The following L3MBTL4 variants were observed in gnomAD, a reference collection of about 807,000 sequenced individuals.
The protein encoded by L3MBTL4 is L3MBTL histone methyl-lysine binding protein 4.
In L3MBTL4, 70 loss-of-function variants were observed where a neutral mutation model predicts 84.5. The observed-to-expected ratio is 0.83, with a 90% CI of 0.68 to 1.01. The LOEUF (loss-of-function observed/expected upper bound fraction) is 1.01. Ranked by LOEUF, L3MBTL4 falls within the 50% of genes least tolerant of loss-of-function variation. The pLI is 0.00. For synonymous variants in L3MBTL4, 274 were observed against 259.8 expected (o/e 1.05, Z -0.52); for missense variants, 715 against 754.8 (o/e 0.95, Z 0.62).
chr18:6,355,681 C>G (rs951970375), intron 1 of L3MBTL4, among the ~76,000 whole-genome samples: 1 of 152,142 alleles, frequency 6.6e-6, no homozygotes, highest in African/African-American at 2.4e-5. Context: ...ATAAGTTCAT[C>G]TCAATGACTT....
At chr18:6,177,578 A>G (rs2044280087) in intron 12 of L3MBTL4, among the ~76,000 whole-genome samples, 1 of 152,234 alleles carries the variant, frequency 6.6e-6, no homozygotes, top group South Asian at 2.1e-4. Flanking sequence ...AAATGCGTGC[A>G]TGAAATCTGT....
intron 16 of L3MBTL4, among the ~76,000 whole-genome samples, chr18:6,069,336 T>C (rs997616072): frequency 3.3e-5 from 5 of 152,166 alleles, no homozygotes; most frequent in African/African-American, 1.2e-4. Context: ...CTGTGTTGGA[T>C]GGCCTCCAGC....
chr18:6,055,395 AG>A (rs2056985437), intron 16 of L3MBTL4, among the ~76,000 whole-genome samples: 1 of 152,210 alleles, frequency 6.6e-6, no homozygotes, highest in African/African-American at 2.4e-5. Flanking sequence ...ATAGAGGTGT[AG>A]GGTTCTATGC....
chr18:6,103,446 T>C (rs1430439555), intron 14 of L3MBTL4, among the ~76,000 whole-genome samples: 2 of 152,250 alleles, frequency 1.3e-5, no homozygotes, highest in African/African-American at 2.4e-5. Context: ...TTTTTCCTCT[T>C]TTTTAAAAAA....
chr18:6,325,620 A>C (rs1407900371), intron 1 of L3MBTL4, among the ~76,000 whole-genome samples: 1 of 152,236 alleles, frequency 6.6e-6, no homozygotes, highest in Non-Finnish European at 1.5e-5. Context: ...TTTTTGAAGA[A>C]GCATGGAAAT....
At chr18:6,204,140 G>A (rs150704529) in intron 12 of L3MBTL4, among the ~76,000 whole-genome samples, 4 of 152,114 alleles carry the variant, frequency 2.6e-5, no homozygotes, top group African/African-American at 7.2e-5. Flanking sequence ...GTGTTTACAG[G>A]ATCTACACAC....
At chr18:6,339,564 C>A (rs762403987) in intron 1 of L3MBTL4, among the ~76,000 whole-genome samples, 2 of 139,604 alleles carry the variant, frequency 1.4e-5, no homozygotes, top group Non-Finnish European at 3.0e-5. Flanking sequence ...AAATCAAATG[C>A]AAGCAAAGTT....
intron 4 of L3MBTL4, among the ~76,000 whole-genome samples, chr18:6,295,314 C>CTCTA (rs2050048657): frequency 9.7e-6 from 1 of 102,590 alleles, no homozygotes; most frequent in Non-Finnish European, 1.8e-5. Context: ...CAACAACTCT[C>CTCTA]TCTCTCTCTC....
In L3MBTL4 at chr18:5,974,984, A is replaced by T. The variant is rs551774335; in HGVS notation, c.1445-5422T>A. On this transcript the variant is annotated intron_variant, in intron 16 of 18. Transcript: ENST00000317931. ...CTCTATTGTTTTGTTTTTTTTTTTT[A>T]AAAAGAGGAAGAATATTTTTTAGAA... 6.4e-3 allele frequency among the ~76,000 whole-genome samples: 958 copies of T among 150,686 alleles called. 10 individuals carry two copies. Among genetic ancestry groups the T allele is most frequent in the African/African-American group, 0.021 (843 of 41,022 alleles).
chr18:6,252,178 TGG>T (rs1429526836), intron 5 of L3MBTL4, among the ~76,000 whole-genome samples: 1 of 152,118 alleles, frequency 6.6e-6, no homozygotes, highest in African/African-American at 2.4e-5. Context: ...CCGGGTGTGG[TGG>T]TGGGCACCTG....
chr18:6,035,225 T>C (rs767442375), intron 16 of L3MBTL4, among the ~76,000 whole-genome samples: 2,147 of 151,424 alleles, frequency 0.014, 24 homozygotes, highest in Non-Finnish European at 0.023. Flanking sequence ...TCCTTGCCCA[T>C]GCCTATGTCC....
chr18:6,060,512 T>C (rs2057177642), intron 16 of L3MBTL4, among the ~76,000 whole-genome samples: 1 of 151,978 alleles, frequency 6.6e-6, no homozygotes, highest in Admixed American at 6.6e-5. Context: ...CCTAATCCCA[T>C]GTCTTCCCCT....
chr18:6,365,487 T>C (rs950986819), intron 1 of L3MBTL4, among the ~76,000 whole-genome samples: 2 of 152,232 alleles, frequency 1.3e-5, no homozygotes, highest in Non-Finnish European at 1.5e-5. Flanking sequence ...TTTATTCTAC[T>C]GGCCATGTCC....
intron 10 of L3MBTL4, among the ~76,000 whole-genome samples, chr18:6,220,643 C>G (rs2046512612): frequency 6.6e-6 from 1 of 152,202 alleles, no homozygotes; most frequent in Admixed American, 6.5e-5. Context: ...TCCATTAGAA[C>G]ATAGGCTGCC....
At chr18:6,189,585 G>T (rs1456297374) in intron 12 of L3MBTL4, among the ~76,000 whole-genome samples, 1 of 152,106 alleles carries the variant, frequency 6.6e-6, no homozygotes, top group Admixed American at 6.5e-5. Flanking sequence ...AGATGATCCA[G>T]ATGTTAAAAC....
At chr18:6,202,746 G>A (rs1257783600) in intron 12 of L3MBTL4, among the ~76,000 whole-genome samples, 3 of 152,110 alleles carry the variant, frequency 2.0e-5, no homozygotes, top group Non-Finnish European at 4.4e-5. Flanking sequence ...TCAGGCTACC[G>A]TTTACTAAGC....
intron 16 of L3MBTL4, among the ~76,000 whole-genome samples, chr18:6,027,962 A>T (rs925901715): frequency 8.5e-5 from 13 of 152,280 alleles, no homozygotes; most frequent in Admixed American, 7.2e-4. Context: ...GTAGTTTGCA[A>T]AAATTTTCTC....
chr18:6,037,012 C>T, intron 16 of L3MBTL4, among the ~76,000 whole-genome samples: 1 of 152,154 alleles, frequency 6.6e-6, no homozygotes, highest in East Asian at 1.9e-4. Flanking sequence ...AGTGCACTGG[C>T]TTTTTATATT....
At chr18:6,270,310 T>G (rs183140876) in intron 4 of L3MBTL4, among the ~76,000 whole-genome samples, 28 of 152,268 alleles carry the variant, frequency 1.8e-4, no homozygotes, top group Non-Finnish European at 3.4e-4. Context: ...TCAGGCTGCT[T>G]TTCATTTCAG....
Sources: allele counts gnomAD v4.1 joint callset (sites outside exome capture counted in the v4.1 genomes callset), GRCh38; gene constraint gnomAD v4.1.1; transcripts MANE v1.5; gene names NCBI Gene and HGNC (gene_info 2026-07-23, HGNC 2026-07-21).